The following ST8SIA6 variants were observed in gnomAD, a reference collection of about 807,000 sequenced individuals.
ST8SIA6 encodes the protein ST8 alpha-N-acetyl-neuraminide alpha-2,8-sialyltransferase 6.
A neutral mutation model predicts 33.6 loss-of-function variants in ST8SIA6; 39 were observed. The observed-to-expected ratio is 1.16, with a 90% CI of 0.90 to 1.52. The LOEUF is 1.52. Among genes scored for constraint, ST8SIA6 ranks in the 40% most tolerant of loss-of-function variants. The pLI, the probability that ST8SIA6 is intolerant of heterozygous loss-of-function variation, is 0.00. For missense variants in ST8SIA6, 441 were observed against 443.8 expected (o/e 0.99, Z 0.06); for synonymous variants, 172 against 167.2 (o/e 1.03, Z -0.22).
chr10:17,357,860 T>G (rs369864537), intron 4 of ST8SIA6, among the ~76,000 whole-genome samples: 35 of 152,332 alleles, frequency 2.3e-4, no homozygotes, highest in African/African-American at 7.9e-4. Context: ...GCTCACTACC[T>G]GAATCTCTCC....
At chr10:17,327,643 T>A (rs927932709) in intron 5 of ST8SIA6, among the ~76,000 whole-genome samples, 1 of 145,308 alleles carries the variant, frequency 6.9e-6, no homozygotes, top group African/African-American at 2.6e-5. Flanking sequence ...GTGGCTCACA[T>A]CTGTAATCCC....
intron 2 of ST8SIA6, among the ~76,000 whole-genome samples, chr10:17,442,254 T>G (rs1194960138): frequency 6.6e-6 from 1 of 152,180 alleles, no homozygotes; most frequent in Non-Finnish European, 1.5e-5. Flanking sequence ...CAGTGGGCAA[T>G]GTTTGGTAAA....
At chr10:17,368,488 A>G (rs1471745628) in intron 3 of ST8SIA6, among the ~76,000 whole-genome samples, 1 of 151,604 alleles carries the variant, frequency 6.6e-6, no homozygotes, top group Admixed American at 6.6e-5. Context: ...AACTGAAATA[A>G]TACATACATT....
intron 2 of ST8SIA6, among the ~76,000 whole-genome samples, chr10:17,452,586 C>CCTGT (rs1304259498): frequency 6.6e-6 from 1 of 152,120 alleles, no homozygotes; most frequent in Non-Finnish European, 1.5e-5. Context: ...AATCTCAACT[C>CCTGT]CTGTCTGTCC....
rs1243618563 is a variant in ST8SIA6 at position 17,318,992 on chromosome 10, T to C, written c.*1886A>G. Among the ~76,000 whole-genome samples, 1 of 152,164 alleles carries C rather than the reference T, an allele frequency of 6.6e-6. No homozygotes were observed. Among genetic ancestry groups the C allele is most frequent in the African/African-American group, 2.4e-5 (1 of 41,436 alleles). On this transcript the variant is annotated 3_prime_UTR_variant, in exon 8 of 8. Transcript: ENST00000377602. ...GAGGCACTGTGTCTTTTACTCCCTT[T>C]AGTTCTCTGCAACACACTGACTATG...
At chr10:17,439,566 C>T (rs1266172318) in intron 2 of ST8SIA6, among the ~76,000 whole-genome samples, 1 of 152,242 alleles carries the variant, frequency 6.6e-6, no homozygotes, top group Non-Finnish European at 1.5e-5. Context: ...CAGGCGTGAG[C>T]CACCATGTCC....
At chr10:17,332,694 A>T (rs1848338959) in intron 4 of ST8SIA6, among the ~76,000 whole-genome samples, 1 of 152,062 alleles carries the variant, frequency 6.6e-6, no homozygotes. Flanking sequence ...TCCTGACCTC[A>T]AGTGATCTGC....
intron 2 of ST8SIA6, among the ~76,000 whole-genome samples, chr10:17,415,018 C>T (rs1245050752): frequency 1.3e-5 from 2 of 152,128 alleles, no homozygotes; most frequent in African/African-American, 4.8e-5. Context: ...CCTTCTCTTA[C>T]ATAACTAGGG....
intron 2 of ST8SIA6, among the ~76,000 whole-genome samples, chr10:17,427,938 T>C (rs1285002908): frequency 2.0e-5 from 3 of 152,234 alleles, no homozygotes; most frequent in Non-Finnish European, 4.4e-5. Flanking sequence ...TGACTAGCAC[T>C]TTCTCTTTTT....
chr10:17,431,393 A>C (rs148696446), intron 2 of ST8SIA6, among the ~76,000 whole-genome samples: 1 of 152,316 alleles, frequency 6.6e-6, no homozygotes, highest in Admixed American at 6.5e-5. Context: ...TCAAAGTGTG[A>C]CCGGAATAAT....
At position 17,320,028 on chromosome 10, in the gene ST8SIA6, CCTT is replaced by C. The variant is rs1258807738; in HGVS notation, c.*847_*849del. ...GTTTTCTCCTACAAGAGGCAATAAT[CCTT>C]CTTGTCCTCTCACAGAGCCTGGTGC... On this transcript the variant is annotated 3_prime_UTR_variant, in exon 8 of 8. Coordinates refer to ENST00000377602, the MANE Select transcript of ST8SIA6 (RefSeq NM_001004470.3). 1 of 152,162 alleles carries C rather than the reference CCTT, an allele frequency of 6.6e-6. No homozygotes were observed. The highest frequency in any genetic ancestry group is 2.4e-5 in the African/African-American group (1 of 41,432). 9.4% of individuals were successfully genotyped at this position (152,162 alleles called of 1,614,324 possible).
chr10:17,362,913 T>A (rs1486463579), intron 3 of ST8SIA6, among the ~76,000 whole-genome samples: 1 of 152,122 alleles, frequency 6.6e-6, no homozygotes, highest in African/African-American at 2.4e-5. Context: ...GGTTTCACCA[T>A]GTTGGTCAGG....
Position 17,321,004 on chromosome 10 carries a change from A to G in ST8SIA6, c.1071T>C (p.His357=), listed in dbSNP as rs780157445. Residue 357 remains histidine (H), a synonymous_variant, in exon 8 of 8, where the codon CAT becomes CAC. Coordinates refer to ENST00000377602, the MANE Select transcript of ST8SIA6 (RefSeq NM_001004470.3). ...TAGGTAGCTTGTTGTCATAATAGTG[A>G]TGGCTGACAGGTATGTCTTCTACAG... ...SKTVEDIPVS[H]HYYDNKLPKH... The G allele has an allele frequency of 1.3e-4, 209 of 1,613,946 alleles. No homozygotes were observed. The highest frequency in any genetic ancestry group is 1.6e-4 in the Non-Finnish European group (193 of 1,179,978).
chr10:17,384,812 T>C (rs542406593), intron 3 of ST8SIA6, among the ~76,000 whole-genome samples: 5 of 152,336 alleles, frequency 3.3e-5, no homozygotes, highest in Admixed American at 2.6e-4. Flanking sequence ...TTCCGAGTAA[T>C]TGGCCTATAT....
rs1412677488 is a variant in ST8SIA6 at position 17,320,839 on chromosome 10, G to A, written c.*39C>T. The stretch of plus-strand genomic sequence containing the variant: ...TTGGAGACATTGTTAATCACCTACT[G>A]CATTATATTAAAATTATTCCCATTT... On this transcript the variant is annotated 3_prime_UTR_variant, in exon 8 of 8. Coordinates refer to ENST00000377602, the MANE Select transcript of ST8SIA6 (RefSeq NM_001004470.3). 2.5e-6 allele frequency: 4 copies of A among 1,585,878 alleles called. No homozygotes were observed. The highest frequency in any genetic ancestry group is 1.7e-5 in the Admixed American group (1 of 59,588).
At position 17,365,346 on chromosome 10, in the gene ST8SIA6, G is replaced by T. The variant is rs185531167; in HGVS notation, c.291-5746C>A. 1.8e-4 allele frequency among the ~76,000 whole-genome samples: 27 copies of T among 152,238 alleles called. No individual in the cohort carries two copies. The East Asian group carries it at 4.6e-3, about 26-fold the overall frequency. ...GGCTTTTCAAGCACTATAATTTATG[G>T]TTAATTAATAAAATGGTTAAATATT... On this transcript the variant is annotated intron_variant, in intron 3 of 7. Transcript: ENST00000377602.
intron 4 of ST8SIA6, among the ~76,000 whole-genome samples, chr10:17,349,231 A>T (rs1351353887): frequency 6.6e-6 from 1 of 152,226 alleles, no homozygotes; most frequent in African/African-American, 2.4e-5. Flanking sequence ...ACGTGGTATA[A>T]TCCATATGAA....
intron 3 of ST8SIA6, among the ~76,000 whole-genome samples, chr10:17,364,918 A>G (rs796252448): frequency 1.3e-5 from 2 of 152,366 alleles, no homozygotes; most frequent in African/African-American, 2.4e-5. Context: ...TCTGGATGAC[A>G]AAACTGAAAG....
chr10:17,427,239 G>A (rs1851967962), intron 2 of ST8SIA6, among the ~76,000 whole-genome samples: 1 of 152,184 alleles, frequency 6.6e-6, no homozygotes, highest in African/African-American at 2.4e-5. Context: ...AGAGTTCTCA[G>A]ATGTTAGCAT....
Sources: gnomAD v4.1 joint callset for allele counts (sites outside exome capture counted in the v4.1 genomes callset) on GRCh38, gnomAD v4.1.1 for gene constraint, MANE v1.5 for transcripts, NCBI Gene and HGNC (gene_info 2026-07-23, HGNC 2026-07-21) for gene names.